The following SLC17A1 variants were observed in gnomAD, a reference collection of about 807,000 sequenced individuals.
SLC17A1 encodes the protein sodium-dependent phosphate transport protein 1.
SLC17A1 carries 51 observed loss-of-function variants against 53.5 expected under a neutral mutation model. The observed-to-expected ratio is 0.95, with a 90% CI of 0.76 to 1.20. SLC17A1 has a LOEUF of 1.20. Ranked by LOEUF, SLC17A1 falls within the 50% of genes most tolerant of loss-of-function variation. The pLI is 0.00. For missense variants in SLC17A1, 538 were observed against 568.2 expected (o/e 0.95, Z 0.54); for synonymous variants, 179 against 198.8 (o/e 0.90, Z 0.84).
chr6:25,736,122 G>A, the SLC17A1 span, among the ~76,000 whole-genome samples: 2 of 151,984 alleles, frequency 1.3e-5, no homozygotes, highest in South Asian at 4.2e-4. Flanking sequence ...TGGTGGGGGT[G>A]GGGTGGTAGG....
chr6:25,733,999 A>G, the SLC17A1 span, among the ~76,000 whole-genome samples: 2 of 152,006 alleles, frequency 1.3e-5, no homozygotes, highest in African/African-American at 2.4e-5. Context: ...TATTTTTAGT[A>G]GAGACGGGGT....
intron 10 of SLC17A1, among the ~76,000 whole-genome samples, chr6:25,806,872 T>G (rs1009264946): frequency 6.6e-6 from 1 of 151,994 alleles, no homozygotes; most frequent in Non-Finnish European, 1.5e-5. Context: ...TTGGCATGAA[T>G]AGACATTTAT....
the SLC17A1 span, chr6:25,726,537 T>C: frequency 3.7e-6 from 6 of 1,600,694 alleles, no homozygotes; most frequent in South Asian, 1.1e-5. Context: ...TCTCCTCGCA[T>C]CAAATTGCAG....
the SLC17A1 span, chr6:25,726,090 T>G: frequency 6.7e-7 from 1 of 1,481,674 alleles, no homozygotes; most frequent in African/African-American, 1.4e-5. Context: ...AGCCTTTTGT[T>G]TTTTCTGACA....
the SLC17A1 span, chr6:25,769,111 A>G: frequency 4.3e-6 from 7 of 1,613,968 alleles, no homozygotes; most frequent in Admixed American, 1.2e-4. Flanking sequence ...CCACCTAGCC[A>G]GCCCAATGCT....
At chr6:25,773,998 A>G in the SLC17A1 span, among the ~76,000 whole-genome samples, 1 of 152,160 alleles carries the variant, frequency 6.6e-6, no homozygotes, top group South Asian at 2.1e-4. Context: ...ATCCCATCAA[A>G]ATTTGCAAAC....
intron 10 of SLC17A1, among the ~76,000 whole-genome samples, chr6:25,806,290 T>A (rs761384260): frequency 6.1e-4 from 92 of 151,964 alleles, no homozygotes; most frequent in Admixed American, 7.9e-4. Flanking sequence ...ATATGATCAT[T>A]TCAACAGATA....
At chr6:25,773,439 G>A in the SLC17A1 span, 15 of 1,612,080 alleles carry the variant, frequency 9.3e-6, no homozygotes, top group African/African-American at 1.5e-4. Flanking sequence ...CCCTCTAGAC[G>A]TCTGAGAGAT....
At chr6:25,754,897 T>A in the SLC17A1 span, 1 of 151,800 alleles carries the variant, frequency 6.6e-6, no homozygotes, top group Non-Finnish European at 1.5e-5. Context: ...ATTGTGGGAG[T>A]GGAGAAGAGA....
At chr6:25,768,760 A>C in the SLC17A1 span, among the ~76,000 whole-genome samples, 3 of 152,246 alleles carry the variant, frequency 2.0e-5, no homozygotes, top group African/African-American at 7.2e-5. Context: ...GCTTGTTCTG[A>C]CCAACTCCAC....
At position 25,811,642 on chromosome 6, in the gene SLC17A1, T is replaced by C. The variant is rs371215720; in HGVS notation, c.1026A>G (p.Ala342=). ...SVIAVRKLFT[A]AGFLLPAIFG... is the part of the protein sequence containing the mutation. ...AATGTTCTGGCTGTTGCTTACCTGC[T>C]GCTGTGAAGAGTTTCCGGACAGCAA... Residue 342 remains alanine (A), a synonymous_variant, in exon 9 of 13, where the codon GCA becomes GCG. Coordinates refer to ENST00000244527, the MANE Select transcript of SLC17A1 (RefSeq NM_005074.5). 1.2e-6 allele frequency: 2 copies of C among 1,613,996 alleles called. No individual in the cohort carries two copies. Among genetic ancestry groups the C allele is most frequent in the Non-Finnish European group, 1.7e-6 (2 of 1,179,888 alleles).
chr6:25,753,354 A>G, the SLC17A1 span, among the ~76,000 whole-genome samples: 10 of 152,138 alleles, frequency 6.6e-5, no homozygotes, highest in Admixed American at 3.3e-4. Context: ...CACCTTCAGG[A>G]AGGTGAATTT....
At chr6:25,792,165 T>C (rs1210401128) in intron 12 of SLC17A1, among the ~76,000 whole-genome samples, 2 of 152,194 alleles carry the variant, frequency 1.3e-5, no homozygotes, top group African/African-American at 4.8e-5. Flanking sequence ...ACTTCCAGCA[T>C]TCACCTGAAC....
chr6:25,757,130 G>A, the SLC17A1 span, among the ~76,000 whole-genome samples: 1 of 152,128 alleles, frequency 6.6e-6, no homozygotes, highest in African/African-American at 2.4e-5. Flanking sequence ...AGGGTTCCAT[G>A]GTCTAACATC....
the SLC17A1 span, among the ~76,000 whole-genome samples, chr6:25,756,946 G>T: frequency 6.6e-6 from 1 of 152,116 alleles, no homozygotes; most frequent in African/African-American, 2.4e-5. Flanking sequence ...TCAACTAATT[G>T]CCCTGAGGTG....
At chr6:25,756,630 G>T in the SLC17A1 span, among the ~76,000 whole-genome samples, 2 of 152,024 alleles carry the variant, frequency 1.3e-5, no homozygotes, top group Non-Finnish European at 2.9e-5. Flanking sequence ...TCTCATTAAC[G>T]CCAGCAAAAC....
rs141852284 is a variant in SLC17A1 at position 25,826,330 on chromosome 6, T to G, written c.207+131A>C. On this transcript the variant is annotated intron_variant, in intron 3 of 12. Transcript: ENST00000244527. ...TGGGACATTTTATTTAGGTCACTCC[T>G]GGCAAGGTAGATGAAGACTTGAGCT... is the stretch of plus-strand genomic sequence containing the variant. 2.1e-3 allele frequency: 1,412 copies of G among 659,202 alleles called. 39 individuals carry two copies. The Admixed American group carries it at 0.038, about 18-fold the overall frequency. 40.8% of individuals were successfully genotyped at this position (659,202 alleles called of 1,614,324 possible).
the SLC17A1 span, among the ~76,000 whole-genome samples, chr6:25,741,982 C>A: frequency 6.6e-6 from 1 of 152,146 alleles, no homozygotes; most frequent in African/African-American, 2.4e-5. Context: ...AAACTTCAAA[C>A]AGAACCAGAG....
downstream of SLC17A1, chr6:25,779,338 C>A: frequency 2.7e-6 from 3 of 1,094,230 alleles, no homozygotes; most frequent in African/African-American, 1.6e-5. Flanking sequence ...GGAAATTTTA[C>A]AGGGGAAGAA....
Sources: gnomAD v4.1 joint callset for allele counts (sites outside exome capture counted in the v4.1 genomes callset) on GRCh38, gnomAD v4.1.1 for gene constraint, MANE v1.5 for transcripts, NCBI Gene and HGNC (gene_info 2026-07-23, HGNC 2026-07-21) for gene names.